Variants in ESRP1 observed in about 807,000 individuals in gnomAD.
ESRP1 encodes the protein RNA-binding motif protein 35A.
In ESRP1, 33 loss-of-function variants were observed where a neutral mutation model predicts 81.7. The observed-to-expected ratio is 0.40, with a 90% CI of 0.31 to 0.54. The LOEUF is 0.54. Among genes scored for constraint, ESRP1 ranks in the 20% least tolerant of loss-of-function variants. The probability of loss-of-function intolerance (pLI) is 0.41; values close to 1 mark genes in which losing one functional copy is unlikely to be tolerated. For synonymous variants in ESRP1, 320 were observed against 303.3 expected, an observed-to-expected ratio of 1.06 and a Z score of -0.57; for missense variants, 672 against 833.1, an observed-to-expected ratio of 0.81 and a Z score of 2.38.
At chr8:94,682,932 ATTTTTTTTTTT>A (rs869078492) in intron 13 of ESRP1, among the ~76,000 whole-genome samples, 1 of 18,086 alleles carries the variant, frequency 5.5e-5, no homozygotes, top group African/African-American at 3.4e-4. Flanking sequence ...ATATATATAT[ATTTTTTTTTTT>A]TTTTTTTTTT....
At chr8:94,687,984 A>T (rs544945868) in intron 13 of ESRP1, among the ~76,000 whole-genome samples, 1 of 152,034 alleles carries the variant, frequency 6.6e-6, no homozygotes, top group Non-Finnish European at 1.5e-5. Flanking sequence ...ATTTACTACT[A>T]TGTTTTGTAA....
chr8:94,649,765 G>A (rs1003894690), intron 4 of ESRP1: 5 of 152,206 alleles, frequency 3.3e-5, no homozygotes, highest in Non-Finnish European at 2.9e-5. Context: ...CACCCATCTC[G>A]GCCTCCCAAA....
intron 4 of ESRP1, among the ~76,000 whole-genome samples, chr8:94,647,709 G>T (rs1276550539): frequency 6.6e-6 from 1 of 152,158 alleles, no homozygotes; most frequent in Non-Finnish European, 1.5e-5. Context: ...GGAGGTGGAG[G>T]ACACAATTCA....
intron 13 of ESRP1, among the ~76,000 whole-genome samples, chr8:94,686,687 C>T (rs954652829): frequency 3.3e-5 from 5 of 152,106 alleles, no homozygotes; most frequent in Admixed American, 1.3e-4. Context: ...CTTTTGAGTA[C>T]AAGTTACATT....
At chr8:94,659,210 T>C (rs1818591851) in intron 4 of ESRP1, among the ~76,000 whole-genome samples, 1 of 152,138 alleles carries the variant, frequency 6.6e-6, no homozygotes, top group East Asian at 1.9e-4. Flanking sequence ...AAAAAGAAAA[T>C]GGAAGGTTTG....
chr8:94,698,889 G>T (rs1809705549), intron 15 of ESRP1, among the ~76,000 whole-genome samples: 1 of 152,068 alleles, frequency 6.6e-6, no homozygotes, highest in Non-Finnish European at 1.5e-5. Flanking sequence ...ATTTTTTTCA[G>T]ATCTGTCATT....
intron 15 of ESRP1, among the ~76,000 whole-genome samples, chr8:94,697,311 A>G (rs1306857308): frequency 6.6e-6 from 1 of 152,174 alleles, no homozygotes; most frequent in African/African-American, 2.4e-5. Context: ...TTTACAACTC[A>G]GTGGTTTTTA....
At chr8:94,692,279 G>A (rs943511285) in intron 13 of ESRP1, among the ~76,000 whole-genome samples, 7 of 152,048 alleles carry the variant, frequency 4.6e-5, no homozygotes, top group African/African-American at 1.7e-4. Flanking sequence ...GGTCTCTGTG[G>A]CTGTGGTTCC....
chr8:94,704,480 A>C (rs993965746), intron 15 of ESRP1, among the ~76,000 whole-genome samples: 1 of 151,998 alleles, frequency 6.6e-6, no homozygotes, highest in African/African-American at 2.4e-5. Context: ...TATTTAGCCT[A>C]GGGCCAGGTG....
chr8:94,696,938 G>A lies in ESRP1; in HGVS notation c.*12G>A. 6.4e-7 allele frequency: 1 copy of A among 1,573,166 alleles called. No individual in the cohort carries two copies. Among genetic ancestry groups the A allele is most frequent in the Non-Finnish European group, 8.6e-7 (1 of 1,158,132 alleles). On this transcript the variant is annotated 3_prime_UTR_variant, in exon 15 of 16. Coordinates refer to ENST00000433389, the MANE Select transcript of ESRP1 (RefSeq NM_017697.4). ...GGGTTTGTATTTAAGGGCCCCAGCA[G>A]TTAGAACATCCTCAGAAAAGAAGGT...
At chr8:94,671,222 A>G (rs1819305538) in intron 10 of ESRP1, among the ~76,000 whole-genome samples, 1 of 152,166 alleles carries the variant, frequency 6.6e-6, no homozygotes, top group Admixed American at 6.5e-5. Context: ...AAAAATGAGT[A>G]TCATGCTTTC....
At chr8:94,650,264 T>TG (rs530087356) in intron 4 of ESRP1, among the ~76,000 whole-genome samples, 2 of 14,830 alleles carry the variant, frequency 1.3e-4, no homozygotes, top group African/African-American at 2.1e-4. Flanking sequence ...GTTTGTTTTG[T>TG]TTTTTTTTAC....
intron 15 of ESRP1, among the ~76,000 whole-genome samples, chr8:94,698,873 G>C (rs1809705063): frequency 6.6e-6 from 1 of 152,218 alleles, no homozygotes. Context: ...TAAGTTGGAA[G>C]TGAAGATTTT....
rs113753326 is a variant in ESRP1 at position 94,647,672 on chromosome 8, G to A, written c.490+1390G>A. On this transcript the variant is annotated intron_variant, in intron 4 of 15. Coordinates refer to ENST00000433389, the MANE Select transcript of ESRP1 (RefSeq NM_017697.4). Reference sequence around the variant, plus strand: ...CCTCTCTCCAGATAGTTACATTGGGGGTTGGGCTTCAACATAGGACTTTGG... The same window carrying A: ...CCTCTCTCCAGATAGTTACATTGGGAGTTGGGCTTCAACATAGGACTTTGG... Among the ~76,000 whole-genome samples the A allele has an allele frequency of 6.8e-3, 1,032 of 152,230 alleles. 8 individuals carry two copies. Among genetic ancestry groups the A allele is most frequent in the Non-Finnish European group, 9.0e-3 (612 of 68,014 alleles).
At chr8:94,677,303 A>G (rs1488430244) in intron 12 of ESRP1, among the ~76,000 whole-genome samples, 20 of 152,224 alleles carry the variant, frequency 1.3e-4, no homozygotes, top group Admixed American at 1.2e-3. Context: ...GGTTCTAGGT[A>G]TGAAGCTTAA....
At chr8:94,685,235 G>C (rs1488789850) in intron 13 of ESRP1, among the ~76,000 whole-genome samples, 5 of 151,998 alleles carry the variant, frequency 3.3e-5, no homozygotes, top group Admixed American at 3.3e-4. Context: ...ATGTTGATGT[G>C]GTGGGCATCT....
intron 13 of ESRP1, among the ~76,000 whole-genome samples, chr8:94,682,833 T>C (rs1808949533): frequency 1.4e-5 from 2 of 145,162 alleles, no homozygotes; most frequent in African/African-American, 5.1e-5. Context: ...GCTTTTGTTA[T>C]AACCTAATGA....
In ESRP1 at chr8:94,697,063, G is replaced by T. The variant is rs550037212; in HGVS notation, c.*35+102G>T. On this transcript the variant is annotated intron_variant, in intron 15 of 15. Transcript: ENST00000433389. ...ACTGAGAGAATCCTTCTTTTCTTTA[G>T]TGTAATGTAAAATATCAGATATCCT... The T allele has an allele frequency of 6.6e-6, 5 of 761,742 alleles. No individual in the cohort carries two copies. The East Asian group carries it at 8.4e-5, about 13-fold the overall frequency. The allele number at this position is 761,742 out of a possible 1,614,324, so 47.2% of individuals were successfully genotyped here. A position where few individuals can be genotyped will look rare whatever the true frequency, so the allele number is the denominator to read the frequency against.
chr8:94,700,263 G>A (rs776861920), intron 15 of ESRP1, among the ~76,000 whole-genome samples: 43 of 152,044 alleles, frequency 2.8e-4, no homozygotes, highest in Non-Finnish European at 5.4e-4. Context: ...ACCTTCTATG[G>A]AAAAAGCTGT....
Sources: allele counts gnomAD v4.1 joint callset (sites outside exome capture counted in the v4.1 genomes callset), GRCh38; gene constraint gnomAD v4.1.1; transcripts MANE v1.5; gene names NCBI Gene and HGNC (gene_info 2026-07-23, HGNC 2026-07-21).